The following KLHL5 variants were observed in gnomAD, a reference collection of about 807,000 sequenced individuals.
KLHL5 encodes the protein kelch-like protein 5.
A neutral mutation model predicts 77.7 loss-of-function variants in KLHL5; 48 were observed. The observed-to-expected ratio is 0.62, with a 90% CI of 0.49 to 0.79. The LOEUF is 0.79. KLHL5 is among the 30% of genes least tolerant of loss of function. The pLI, the probability that KLHL5 is intolerant of heterozygous loss-of-function variation, is 0.00. For missense variants in KLHL5, 723 were observed against 859.7 expected, an observed-to-expected ratio of 0.84 and a Z score of 1.99; for synonymous variants, 260 against 297.0, an observed-to-expected ratio of 0.88 and a Z score of 1.28.
In KLHL5 at chr4:39,081,012, G is replaced by A. The variant is rs941692562; in HGVS notation, c.567-91G>A. 3.3e-5 allele frequency: 43 copies of A among 1,294,962 alleles called. No homozygotes were observed. The highest frequency in any genetic ancestry group is 5.9e-5 in the African/African-American group (4 of 67,312). The allele number at this position is 1,294,962 out of a possible 1,614,324, so 80.2% of individuals were successfully genotyped here. ...TGCATTTCCTAGTACCATGCACTGTGAGTAACAAATAAAAAAGAAGCAGCA... is the reference window on the plus strand; with the variant it reads ...TGCATTTCCTAGTACCATGCACTGTAAGTAACAAATAAAAAAGAAGCAGCA... On this transcript the variant is annotated intron_variant, in intron 2 of 10. Coordinates refer to ENST00000504108, the MANE Select transcript of KLHL5 (RefSeq NM_015990.5). The surrounding 1 kb of genome is among the most constrained non-coding windows in gnomAD (Gnocchi z 4.3).
chr4:39,053,711 TATATC>T (rs1716817763), intron 1 of KLHL5, among the ~76,000 whole-genome samples: 1 of 152,222 alleles, frequency 6.6e-6, no homozygotes, highest in Admixed American at 6.5e-5. Flanking sequence ...ACGATTTTGT[TATATC>T]ATAGTAGTAT....
At chr4:39,097,420 T>C (rs1294611779) in intron 6 of KLHL5, among the ~76,000 whole-genome samples, 1 of 152,176 alleles carries the variant, frequency 6.6e-6, no homozygotes, top group Non-Finnish European at 1.5e-5. Flanking sequence ...AAGAGTAAAA[T>C]AGTGTATTTA....
At position 39,125,029 on chromosome 4, in the gene KLHL5, T is replaced by A. The variant is rs1055069658; in HGVS notation, c.*3963T>A. On this transcript the variant is annotated 3_prime_UTR_variant, in exon 11 of 11. Transcript: ENST00000504108. ...AGGACTTAAATAGACATTTCTCTAA[T>A]GAAGATATACAAATGGCCGACAAGC... Among the ~76,000 whole-genome samples, 1 of 152,038 alleles carries A rather than the reference T, an allele frequency of 6.6e-6. No homozygotes were observed. Among genetic ancestry groups the A allele is most frequent in the Non-Finnish European group, 1.5e-5 (1 of 68,022 alleles).
chr4:39,103,335 C>T lies in KLHL5; in HGVS notation c.1349C>T (p.Pro450Leu). ...KYDLRTNMWT[P>L]VANMNGRRLQ... ...GATCTCCGTACAAATATGTGGACTC[C>T]AGTAGCAAATATGAATGGGAGGAGG... Residue 450 changes from proline to leucine, a missense_variant, in exon 7 of 11, where the codon CCA becomes CTA. Transcript: ENST00000504108. 1 of 1,613,988 alleles carries T rather than the reference C, an allele frequency of 6.2e-7. No homozygotes were observed. Among genetic ancestry groups the T allele is most frequent in the Non-Finnish European group, 8.5e-7 (1 of 1,180,004 alleles).
intron 10 of KLHL5, 145 bp downstream of exon 10, chr4:39,115,475 GA>G (rs1402659787): frequency 1.1e-4 from 171 of 1,514,424 alleles, no homozygotes; most frequent in Admixed American, 1.2e-4. Flanking sequence ...ATGAGAAAAA[GA>G]GGCAATGTTT....
upstream of KLHL5, among the ~76,000 whole-genome samples, chr4:39,061,654 A>G (rs1011141847): frequency 2.6e-5 from 4 of 152,218 alleles, no homozygotes; most frequent in African/African-American, 9.6e-5. Context: ...AGAGGGCACC[A>G]TTAGGGCACT....
At position 39,047,599 on chromosome 4, in the gene KLHL5, C is replaced by G. The variant is rs111532267; in HGVS notation, c.-95+2503C>G. 1.7e-3 allele frequency among the ~76,000 whole-genome samples: 257 copies of G among 152,290 alleles called. 1 individual carries two copies. Among genetic ancestry groups the G allele is most frequent in the African/African-American group, 5.9e-3 (246 of 41,556 alleles). On this transcript the variant is annotated intron_variant, in intron 1 of 11. Transcript: ENST00000261425. ...TACTGTATAGCAAAGGAGAACACTA[C>G]TTTCCCCCGAATTCTTTCACATTTC...
rs1723321783 is a variant in KLHL5, at chr4:39,123,127, C to A, written c.*2061C>A. Among the ~76,000 whole-genome samples, 1 of 151,964 alleles carries A rather than the reference C, an allele frequency of 6.6e-6. No individual in the cohort carries two copies. The highest frequency in any genetic ancestry group is 2.1e-4 in the South Asian group (1 of 4,824). ...GCATTGTTGCCAACAATTTAGATGA[C>A]CTCGATGAAAAAACACACCAATTGA... is the stretch of plus-strand genomic sequence containing the variant. On this transcript the variant is annotated 3_prime_UTR_variant, in exon 11 of 11. Transcript: ENST00000504108.
At chr4:39,107,146 C>T (rs1722101225) in intron 7 of KLHL5, among the ~76,000 whole-genome samples, 1 of 151,560 alleles carries the variant, frequency 6.6e-6, no homozygotes, top group African/African-American at 2.4e-5. Flanking sequence ...CCCCAAGGCT[C>T]AAGCGATCCT....
chr4:39,115,373 T>G, intron 10 of KLHL5, 43 bp downstream of exon 10: 2 of 1,609,064 alleles, frequency 1.2e-6, no homozygotes, highest in Non-Finnish European at 1.7e-6. Context: ...TCTCTTTTTA[T>G]TAAAACAATT....
chr4:39,083,222 T>G (rs948017162), intron 4 of KLHL5, among the ~76,000 whole-genome samples: 11 of 152,168 alleles, frequency 7.2e-5, no homozygotes, highest in African/African-American at 2.7e-4. Context: ...ATTGGCAAGA[T>G]CAATTCTGTC....
At chr4:39,046,016 C>T (rs539031124) in intron 1 of KLHL5, among the ~76,000 whole-genome samples, 9 of 145,208 alleles carry the variant, frequency 6.2e-5, no homozygotes, top group Admixed American at 2.9e-4. Flanking sequence ...AGACCTCTGG[C>T]GGCAAAAAAC....
chr4:39,045,191 TC>T, intron 1 of KLHL5: 1 of 979,814 alleles, frequency 1.0e-6, no homozygotes, highest in Non-Finnish European at 1.2e-6. Flanking sequence ...CGCTGCGGCC[TC>T]CCGGAGCGCG....
Position 39,121,431 on chromosome 4 carries a change from A to C in KLHL5, c.*365A>C, listed in dbSNP as rs1377365143. 1 of 187,324 alleles carries C rather than the reference A, an allele frequency of 5.3e-6. No homozygotes were observed. Among genetic ancestry groups the C allele is most frequent in the Non-Finnish European group, 1.1e-5 (1 of 91,016 alleles). 11.6% of individuals were successfully genotyped at this position (187,324 alleles called of 1,614,324 possible). On this transcript the variant is annotated 3_prime_UTR_variant, in exon 11 of 11. Coordinates refer to ENST00000504108, the MANE Select transcript of KLHL5 (RefSeq NM_015990.5). The stretch of plus-strand genomic sequence containing the variant: ...TATTTTCCTACAGTGCAAACACACC[A>C]GATGAAACTTTAAAATGTTACTTTT...
intron 10 of KLHL5, chr4:39,116,167 C>A: frequency 3.3e-6 from 1 of 305,796 alleles, no homozygotes; most frequent in Non-Finnish European, 4.8e-6. Context: ...CCCATCTCTA[C>A]TAAAAATACA....
chr4:39,095,816 C>G (rs1577707961), intron 5 of KLHL5, among the ~76,000 whole-genome samples: 2 of 151,068 alleles, frequency 1.3e-5, no homozygotes, highest in Admixed American at 1.3e-4. Context: ...TAAGATGCAG[C>G]AAAGTATATA....
At chr4:39,064,902 C>G (rs1717746655) in intron 1 of KLHL5, among the ~76,000 whole-genome samples, 1 of 151,904 alleles carries the variant, frequency 6.6e-6, no homozygotes, top group Admixed American at 6.6e-5. Context: ...TTAAAAAATG[C>G]TACTCAAGAA....
chr4:39,130,335 A>G (rs1383409801), downstream of KLHL5, among the ~76,000 whole-genome samples: 1 of 152,232 alleles, frequency 6.6e-6, no homozygotes, highest in East Asian at 1.9e-4. Flanking sequence ...CTTAAGGCAC[A>G]GATCGCTCAT....
At chr4:39,046,519 C>T (rs573659410) in intron 1 of KLHL5, among the ~76,000 whole-genome samples, 3 of 151,936 alleles carry the variant, frequency 2.0e-5, no homozygotes, top group African/African-American at 7.3e-5. Flanking sequence ...GAGGCCGTGG[C>T]GAGCGGATCG....
Sources: allele counts gnomAD v4.1 joint callset (sites outside exome capture counted in the v4.1 genomes callset), GRCh38; gene constraint gnomAD v4.1.1; non-coding constraint Gnocchi (gnomAD v3.1); transcripts MANE v1.5; gene names NCBI Gene and HGNC (gene_info 2026-07-23, HGNC 2026-07-21).